The following TULP4 variants were observed in gnomAD, a reference collection of about 807,000 sequenced individuals.
The protein encoded by TULP4 is tubby-related protein 4.
TULP4 carries 16 observed loss-of-function variants against 129.0 expected under a neutral mutation model. The observed-to-expected ratio is 0.12, with a 90% CI of 0.08 to 0.19. TULP4 has a LOEUF of 0.19. Ranked by LOEUF, TULP4 falls within the 10% of genes least tolerant of loss-of-function variation. The pLI is 1.00. For synonymous variants in TULP4, 998 were observed against 854.0 expected (o/e 1.17, Z -2.94); for missense variants, 1,842 against 2,059.1 (o/e 0.89, Z 2.04).
chr6:158,232,796 C>T (rs1465512113), intron 1 of TULP4, among the ~76,000 whole-genome samples: 1 of 152,200 alleles, frequency 6.6e-6, no homozygotes, highest in Non-Finnish European at 1.5e-5. Context: ...CCTCCCCTGC[C>T]GGACCAGTCT....
chr6:158,373,152 A>G (rs1774827557), intron 1 of TULP4, among the ~76,000 whole-genome samples: 1 of 152,230 alleles, frequency 6.6e-6, no homozygotes, highest in South Asian at 2.1e-4. Flanking sequence ...GTGAAAATGT[A>G]GTCTACTAAT....
chr6:158,412,063 A>G (rs771439826), intron 1 of TULP4, among the ~76,000 whole-genome samples: 3 of 152,130 alleles, frequency 2.0e-5, no homozygotes, highest in Non-Finnish European at 4.4e-5. Flanking sequence ...TATTTTATTG[A>G]TATATGTCAG....
chr6:158,337,669 GCAAA>G (rs1331553233), intron 1 of TULP4, among the ~76,000 whole-genome samples: 2 of 152,286 alleles, frequency 1.3e-5, no homozygotes, highest in East Asian at 1.9e-4. Context: ...CCCACAGTGT[GCAAA>G]CAAATAGAAA....
chr6:158,237,541 C>A, intron 1 of TULP4: 1 of 1,556,236 alleles, frequency 6.4e-7, no homozygotes, highest in Non-Finnish European at 8.8e-7. Flanking sequence ...TGCAGTTGCT[C>A]CCTGGGTCCC....
chr6:158,312,804 T>G lies in TULP4; in HGVS notation c.-1213T>G, dbSNP rs894812949. On this transcript the variant is annotated 5_prime_UTR_variant, in exon 1 of 14. Coordinates refer to ENST00000367097, the MANE Select transcript of TULP4 (RefSeq NM_020245.5). ...TTTTTGTTGGACTAGTGGTGTGGTG[T>G]TTGGAGACAGTCTCTGAATGTGAAC... is the stretch of plus-strand genomic sequence containing the variant. 6.6e-6 allele frequency: 1 copy of G among 152,150 alleles called. No homozygotes were observed. The highest frequency in any genetic ancestry group is 2.4e-5 in the African/African-American group (1 of 41,416). The allele number at this position is 152,150 out of a possible 1,614,324, so 9.4% of individuals were successfully genotyped here.
chr6:158,481,161 T>C lies in TULP4; in HGVS notation c.1358T>C (p.Val453Ala). The C allele has an allele frequency of 6.2e-7, 1 of 1,614,000 alleles. No individual in the cohort carries two copies. Among genetic ancestry groups the C allele is most frequent in the Non-Finnish European group, 8.5e-7 (1 of 1,179,978 alleles). The change falls in exon 8 of 14, where the codon GTG becomes GCG. Residue 453 changes from valine to alanine, a missense_variant. Around this residue, in one of 5 missense-constraint regions of TULP4, gnomAD observed 456 missense variants for 534.3 expected, o/e 0.85. Coordinates refer to ENST00000367097, the MANE Select transcript of TULP4 (RefSeq NM_020245.5). The stretch of plus-strand genomic sequence containing the variant: ...AAGCGCACAGAGGACGACCCGGAGG[T>C]GGGCGGCCCGTGCTACACGCTCTAC... Reference protein sequence around the residue: ...TMKRTEDDPEVGGPCYTLYLE... With the variant: ...TMKRTEDDPEAGGPCYTLYLE...
chr6:158,364,039 C>T (rs536695785), intron 1 of TULP4, among the ~76,000 whole-genome samples: 70 of 152,104 alleles, frequency 4.6e-4, no homozygotes, highest in Admixed American at 1.1e-3. Flanking sequence ...GGAAATAGAA[C>T]GTATCACTGA....
intron 2 of TULP4, among the ~76,000 whole-genome samples, chr6:158,422,603 A>C (rs938966865): frequency 6.6e-6 from 1 of 152,224 alleles, no homozygotes; most frequent in Non-Finnish European, 1.5e-5. Flanking sequence ...AGGAAGCGGA[A>C]GGCAGAAGGA....
chr6:158,462,626 G>A (rs1438921653), intron 6 of TULP4, among the ~76,000 whole-genome samples: 6 of 151,882 alleles, frequency 4.0e-5, no homozygotes. Flanking sequence ...GCCCGCCTCG[G>A]CCTCCCAAGA....
At chr6:158,458,350 A>G (rs183327188) in intron 5 of TULP4, among the ~76,000 whole-genome samples, 203 of 152,348 alleles carry the variant, frequency 1.3e-3, no homozygotes, top group Non-Finnish European at 2.6e-3. Flanking sequence ...TGTGTAAAAC[A>G]TATCAGAGAC....
At chr6:158,426,694 A>C (rs1302711095) in intron 2 of TULP4, among the ~76,000 whole-genome samples, 1 of 151,944 alleles carries the variant, frequency 6.6e-6, no homozygotes, top group African/African-American at 2.4e-5. Context: ...ATTGCCTTGG[A>C]TCTTTGGGCT....
intron 1 of TULP4, among the ~76,000 whole-genome samples, chr6:158,243,568 C>T (rs1372029730): frequency 6.6e-6 from 1 of 151,458 alleles, no homozygotes; most frequent in Non-Finnish European, 1.5e-5. Flanking sequence ...TTCTTTGCAA[C>T]TCTTTATTGA....
At chr6:158,276,032 C>T (rs1385625567) in intron 1 of TULP4, among the ~76,000 whole-genome samples, 1 of 152,006 alleles carries the variant, frequency 6.6e-6, no homozygotes, top group Admixed American at 6.6e-5. Flanking sequence ...TACAGTGGTG[C>T]AACCTCAACT....
intron 1 of TULP4, among the ~76,000 whole-genome samples, chr6:158,399,686 CTT>C (rs1358975204): frequency 2.0e-5 from 1 of 49,980 alleles, no homozygotes; most frequent in Non-Finnish European, 4.1e-5. Flanking sequence ...CTTATTGAAT[CTT>C]TCTGTGTGCC....
intron 3 of TULP4, among the ~76,000 whole-genome samples, chr6:158,439,520 A>G (rs942424959): frequency 1.1e-4 from 16 of 151,920 alleles, no homozygotes; most frequent in African/African-American, 3.9e-4. Context: ...CTCAAAGAGC[A>G]GCTCTCACCT....
Position 158,511,306 on chromosome 6 carries a change from G to C in TULP4, c.*4612G>C, listed in dbSNP as rs1780735521. On this transcript the variant is annotated 3_prime_UTR_variant, in exon 14 of 14. Transcript: ENST00000367097. ...TATTTACCAAAGGGGTATTGTTTTT[G>C]CATTTGTTTATAAATGCATTATTTT... The C allele has an allele frequency of 6.6e-6, 1 of 152,090 alleles. No homozygotes were observed. The highest frequency in any genetic ancestry group is 2.1e-4 in the South Asian group (1 of 4,818). The allele number at this position is 152,090 out of a possible 1,614,324, so 9.4% of individuals were successfully genotyped here. A position where few individuals can be genotyped will look rare whatever the true frequency, so the allele number is the denominator to read the frequency against.
chr6:158,503,641 C>T lies in TULP4; in HGVS notation c.3978C>T (p.Val1326=), dbSNP rs755237454. 3 of 1,614,036 alleles carry T rather than the reference C, an allele frequency of 1.9e-6. No homozygotes were observed. The South Asian group carries it at 3.3e-5, about 18-fold the overall frequency. ...QEVLSLTESP[V]PQRTEKFGKK... is the part of the protein sequence containing the mutation. ...TCCTCTCCCTGACCGAAAGCCCAGT[C>T]CCCCAGCGGACAGAAAAATTTGGAA... is the stretch of plus-strand genomic sequence containing the variant. Residue 1326 remains valine (V), a synonymous_variant, in exon 13 of 14, where the codon GTC becomes GTT. Coordinates refer to ENST00000367097, the MANE Select transcript of TULP4 (RefSeq NM_020245.5). The surrounding 1 kb of genome is among the most constrained non-coding windows in gnomAD (Gnocchi z 4.3).
upstream of TULP4, among the ~76,000 whole-genome samples, chr6:158,309,459 CAG>C (rs1477375940): frequency 4.0e-5 from 6 of 148,192 alleles, no homozygotes; most frequent in Non-Finnish European, 8.9e-5. Context: ...GGCGGCCAGG[CAG>C]AGACGCTCCT....
intron 1 of TULP4, among the ~76,000 whole-genome samples, chr6:158,363,548 A>G (rs1020864766): frequency 2.0e-5 from 3 of 152,216 alleles, no homozygotes; most frequent in Non-Finnish European, 4.4e-5. Context: ...CAGTGGCACG[A>G]TCTTGGCTCA....
Sources: gnomAD v4.1 joint callset for allele counts (sites outside exome capture counted in the v4.1 genomes callset) on GRCh38, gnomAD v4.1.1 for gene constraint, gnomAD v4.1.1 regional missense constraint, Gnocchi (gnomAD v3.1) non-coding constraint, MANE v1.5 for transcripts, NCBI Gene and HGNC (gene_info 2026-07-23, HGNC 2026-07-21) for gene names.